DGKZ: variants seen among roughly 807,000 people sequenced by gnomAD.
The protein encoded by DGKZ is diacylglycerol kinase zeta.
Under a neutral mutation model 142.5 loss-of-function variants are expected in DGKZ, and 45 were observed. The observed-to-expected ratio is 0.32, with a 90% CI of 0.25 to 0.40. The LOEUF is 0.40. DGKZ is among the 10% of genes least tolerant of loss of function. The pLI is 1.00. For missense variants in DGKZ, 755 were observed against 1,306.5 expected (o/e 0.58, Z 6.51); for synonymous variants, 442 against 527.0 (o/e 0.84, Z 2.21).
upstream of DGKZ, among the ~76,000 whole-genome samples, chr11:46,342,466 C>G (rs1390378207): frequency 1.3e-5 from 2 of 152,224 alleles, no homozygotes; most frequent in African/African-American, 4.8e-5. Context: ...AAGCCCAGCC[C>G]CATTTCCTCT....
chr11:46,377,097 A>T, exon 25 of DGKZ: 6 of 1,613,386 alleles, frequency 3.7e-6, no homozygotes, highest in Non-Finnish European at 5.1e-6. Context: ...TGTGACTGAG[A>T]TCGCACAGGA....
In DGKZ at chr11:46,372,543, G is replaced by T. The variant is rs373138583; in HGVS notation, c.1010+33G>T. On this transcript the variant is annotated intron_variant, in intron 11 of 30. Coordinates refer to ENST00000527911, the Ensembl canonical transcript of DGKZ. The surrounding 1 kb of genome is among the most constrained non-coding windows in gnomAD (Gnocchi z 5.9). ...CTTGCCAAGGTTTTGTGGGGGACAT[G>T]GGGGGGAACTTGCCTCACTCCTGGG... 1.2e-6 allele frequency: 2 copies of T among 1,613,434 alleles called. No individual in the cohort carries two copies. The highest frequency in any genetic ancestry group is 1.1e-5 in the South Asian group (1 of 91,060).
intron 5 of DGKZ, 165 bp downstream of exon 5, chr11:46,369,715 G>GTTA: frequency 1.0e-6 from 1 of 978,810 alleles, no homozygotes; most frequent in Non-Finnish European, 1.6e-6. Context: ...CGCTGCCTGC[G>GTTA]GAGTGGGTGG....
chr11:46,349,731 A>G (rs926267731), intron 1 of DGKZ, among the ~76,000 whole-genome samples: 15 of 152,210 alleles, frequency 9.9e-5, no homozygotes, highest in Non-Finnish European at 1.8e-4. Context: ...TGAAAGAAAC[A>G]CAGTCAGAGG....
chr11:46,367,574 G>A lies in DGKZ; in HGVS notation c.271-78G>A. Reference sequence around the variant, plus strand: ...GCGCTGGAGTGGGTTTGTCTTGGGAGAGGGCGGGTGGGCGGGGGCTGATGG... The same window carrying A: ...GCGCTGGAGTGGGTTTGTCTTGGGAAAGGGCGGGTGGGCGGGGGCTGATGG... On this transcript the variant is annotated intron_variant, in intron 2 of 30. Coordinates refer to ENST00000527911, the Ensembl canonical transcript of DGKZ. The surrounding 1 kb of genome is among the most constrained non-coding windows in gnomAD (Gnocchi z 4.1). The A allele has an allele frequency of 7.3e-7, 1 of 1,376,312 alleles. No homozygotes were observed. The highest frequency in any genetic ancestry group is 9.8e-7 in the Non-Finnish European group (1 of 1,015,424). The allele number at this position is 1,376,312 out of a possible 1,614,324, so 85.3% of individuals were successfully genotyped here. A position where few individuals can be genotyped will look rare whatever the true frequency, so the allele number is the denominator to read the frequency against.
upstream of DGKZ, among the ~76,000 whole-genome samples, chr11:46,343,111 G>A (rs558502302): frequency 9.1e-4 from 138 of 151,520 alleles, 2 homozygotes; most frequent in African/African-American, 3.2e-3. Context: ...GTGACAGAGT[G>A]AGGCTCAGTC....
intron 1 of DGKZ, among the ~76,000 whole-genome samples, chr11:46,355,251 G>A (rs953619938): frequency 6.6e-6 from 1 of 152,112 alleles, no homozygotes; most frequent in Admixed American, 6.6e-5. Context: ...TGGGACTACA[G>A]GCGCCCGCCA....
intron 25 of DGKZ, chr11:46,377,745 C>T (rs1944721369): frequency 3.8e-6 from 1 of 260,292 alleles, no homozygotes; most frequent in Non-Finnish European, 7.4e-6. Flanking sequence ...GCCCCACTCT[C>T]TTCTCTTGGT....
At chr11:46,370,690 T>C (rs1002708445) in intron 6 of DGKZ, among the ~76,000 whole-genome samples, 1 of 152,208 alleles carries the variant, frequency 6.6e-6, no homozygotes, top group African/African-American at 2.4e-5. Flanking sequence ...AGAACGGGTA[T>C]GCATGTGGTG....
chr11:46,367,111 G>A lies in DGKZ; in HGVS notation c.162-180G>A, dbSNP rs933560929. ...GGAACACTCTGGGCAGTACCCTGAA[G>A]CCAGCGTACCCCAAAAGGCCATGTC... On this transcript the variant is annotated intron_variant, in intron 1 of 30. Coordinates refer to ENST00000527911, the Ensembl canonical transcript of DGKZ. The surrounding 1 kb of genome is among the most constrained non-coding windows in gnomAD (Gnocchi z 4.1). The A allele has an allele frequency of 6.8e-6, 9 of 1,322,934 alleles. No individual in the cohort carries two copies. The African/African-American group carries it at 1.2e-4, about 17-fold the overall frequency. 81.9% of individuals were successfully genotyped at this position (1,322,934 alleles called of 1,614,324 possible).
chr11:46,345,297 G>A, upstream of DGKZ: 4 of 1,362,844 alleles, frequency 2.9e-6, no homozygotes, highest in Middle Eastern at 2.7e-4. This position sits in a 1 kb window ranked among gnomAD's most constrained non-coding sequence, Gnocchi z 4.1. Context: ...AGGCGCCTAT[G>A]AGCCCTGAGC....
At chr11:46,337,031 G>T (rs1227645713) in intron 1 of DGKZ, among the ~76,000 whole-genome samples, 1 of 152,088 alleles carries the variant, frequency 6.6e-6, no homozygotes, top group East Asian at 1.9e-4. Flanking sequence ...TAAAAAAAGT[G>T]GGGGGCAAGG....
In DGKZ at chr11:46,367,280, C is replaced by G. The variant is rs367575196; in HGVS notation, c.162-11C>G. On this transcript the variant is annotated splice_polypyrimidine_tract_variant and intron_variant, in intron 1 of 30. Coordinates refer to ENST00000527911, the Ensembl canonical transcript of DGKZ. This position sits in a 1 kb window ranked among gnomAD's most constrained non-coding sequence, Gnocchi z 4.1. ...GCTCAGCCCCCTCCTCAGCTGTCTT[C>G]TCCTCTCTAGGAAAGCCATCACCAA... 1 of 1,609,156 alleles carries G rather than the reference C, an allele frequency of 6.2e-7. No individual in the cohort carries two copies. The highest frequency in any genetic ancestry group is 1.3e-5 in the African/African-American group (1 of 74,820).
intron 24 of DGKZ, 141 bp downstream of exon 24, chr11:46,376,705 G>GCAGGGCCGCACGCTGTC: frequency 3.4e-6 from 4 of 1,162,170 alleles, no homozygotes; most frequent in Non-Finnish European, 5.0e-6. Context: ...TTGCCTGTGT[G>GCAGGGCCGCACGCTGTC]CATGGACAGC....
At chr11:46,345,430 C>T (rs746536204), upstream of DGKZ, 22 of 1,452,054 alleles carry the variant, frequency 1.5e-5, no homozygotes, top group South Asian at 2.8e-5. The surrounding 1 kb of genome is among the most constrained non-coding windows in gnomAD (Gnocchi z 4.1). Flanking sequence ...CGGGGGCTGG[C>T]CACAGTGCCG....
At chr11:46,343,153 G>C (rs2136383842), upstream of DGKZ, among the ~76,000 whole-genome samples, 1 of 152,038 alleles carries the variant, frequency 6.6e-6, no homozygotes, top group East Asian at 1.9e-4. Context: ...GCAAAAAAAG[G>C]AGGAAAATAA....
At chr11:46,366,856 G>T in intron 1 of DGKZ, 1 of 1,546,782 alleles carries the variant, frequency 6.5e-7, no homozygotes, top group East Asian at 2.4e-5. Context: ...CTGGCCCTGG[G>T]GGCCGAAGAG....
At chr11:46,376,622 T>C (rs543449259) in intron 24 of DGKZ, 58 bp downstream of exon 24, 1 of 1,604,946 alleles carries the variant, frequency 6.2e-7, no homozygotes, top group East Asian at 2.2e-5. Context: ...GGGTCGCCTC[T>C]CCTGGGACGC....
rs1943458720 is a variant in DGKZ at position 46,367,588 on chromosome 11, G to A, written c.271-64G>A. The A allele has an allele frequency of 4.7e-6, 4 of 859,068 alleles. No individual in the cohort carries two copies. The highest frequency in any genetic ancestry group is 1.8e-5 in the African/African-American group (1 of 56,824). The allele number at this position is 859,068 out of a possible 1,614,324, so 53.2% of individuals were successfully genotyped here. On this transcript the variant is annotated intron_variant, in intron 2 of 30. Coordinates refer to ENST00000527911, the Ensembl canonical transcript of DGKZ. The surrounding 1 kb of genome is among the most constrained non-coding windows in gnomAD (Gnocchi z 4.1). ...TTGTCTTGGGAGAGGGCGGGTGGGC[G>A]GGGGCTGATGGGAGGGAGGGCTGGG...
Sources: allele counts gnomAD v4.1 joint callset (sites outside exome capture counted in the v4.1 genomes callset), GRCh38; gene constraint gnomAD v4.1.1; non-coding constraint Gnocchi (gnomAD v3.1); transcripts MANE v1.5; gene names NCBI Gene and HGNC (gene_info 2026-07-23, HGNC 2026-07-21).